CDKAL1: variants seen among roughly 807,000 people sequenced by gnomAD.
The protein encoded by CDKAL1 is threonylcarbamoyladenosine tRNA methylthiotransferase.
CDKAL1 carries 32 observed loss-of-function variants against 68.2 expected under a neutral mutation model. The ratio of observed to expected loss-of-function variants is 0.47; its 90% confidence interval spans 0.35 to 0.63. CDKAL1 has a LOEUF of 0.63. Among genes scored for constraint, CDKAL1 ranks in the 30% least tolerant of loss-of-function variants. The pLI, the probability that CDKAL1 is intolerant of heterozygous loss-of-function variation, is 0.00. For synonymous variants in CDKAL1, 234 were observed against 244.3 expected (o/e 0.96, Z 0.39); for missense variants, 606 against 696.7 (o/e 0.87, Z 1.47).
chr6:21,193,880 A>C (rs962748327), intron 13 of CDKAL1, among the ~76,000 whole-genome samples: 3 of 152,164 alleles, frequency 2.0e-5, no homozygotes, highest in African/African-American at 7.2e-5. Context: ...GTCTTAGTTC[A>C]TTTTCTGTTG....
chr6:21,009,349 A>C (rs1199581044), intron 11 of CDKAL1, among the ~76,000 whole-genome samples: 1 of 152,228 alleles, frequency 6.6e-6, no homozygotes, highest in Non-Finnish European at 1.5e-5. Context: ...TATATTATAC[A>C]TGCCATCTCC....
At chr6:20,571,286 CCT>C (rs1764690308) in intron 4 of CDKAL1, among the ~76,000 whole-genome samples, 1 of 152,204 alleles carries the variant, frequency 6.6e-6, no homozygotes, top group Admixed American at 6.5e-5. Context: ...AAGTTGAACT[CCT>C]CTGTTCCCTG....
intron 13 of CDKAL1, among the ~76,000 whole-genome samples, chr6:21,145,367 A>G (rs780812174): frequency 2.8e-4 from 42 of 152,138 alleles, no homozygotes; most frequent in Non-Finnish European, 5.1e-4. Context: ...AAAGCTTTGT[A>G]ACAGTATTAT....
At chr6:20,766,926 C>A (rs1421351426) in intron 7 of CDKAL1, among the ~76,000 whole-genome samples, 4 of 152,044 alleles carry the variant, frequency 2.6e-5, no homozygotes, top group African/African-American at 4.8e-5. Flanking sequence ...CCAAGTAGAT[C>A]AATTAATCAT....
intron 9 of CDKAL1, among the ~76,000 whole-genome samples, chr6:20,869,811 A>G (rs577078217): frequency 7.2e-5 from 11 of 152,322 alleles, no homozygotes; most frequent in South Asian, 4.1e-4. Flanking sequence ...CATAGTATAT[A>G]TTCATATAAC....
chr6:20,535,154 C>T (rs1581686725), intron 1 of CDKAL1, 197 bp from the exon 2 acceptor site: 2 of 152,238 alleles, frequency 1.3e-5, no homozygotes, highest in African/African-American at 4.8e-5. Flanking sequence ...TAAAGCCAGA[C>T]ACTGGATCAC....
chr6:20,892,894 A>G (rs1011687230), intron 9 of CDKAL1, among the ~76,000 whole-genome samples: 1 of 152,232 alleles, frequency 6.6e-6, no homozygotes, highest in African/African-American at 2.4e-5. Flanking sequence ...AGGCAAAGTC[A>G]AGTGGATGAA....
intron 8 of CDKAL1, among the ~76,000 whole-genome samples, chr6:20,840,032 TAAGAG>T (rs1457691348): frequency 5.3e-5 from 8 of 152,222 alleles, no homozygotes; most frequent in Non-Finnish European, 4.4e-5. Flanking sequence ...CAGTGTTTCT[TAAGAG>T]AAGTACAGAG....
intron 13 of CDKAL1, chr6:21,135,565 A>G (rs1351604328): frequency 2.5e-6 from 1 of 407,790 alleles, no homozygotes; most frequent in East Asian, 1.6e-4. Flanking sequence ...GGAGAGGTTA[A>G]AAACTACTTT....
intron 15 of CDKAL1, among the ~76,000 whole-genome samples, chr6:21,205,406 A>T (rs1778866346): frequency 6.6e-6 from 1 of 152,230 alleles, no homozygotes; most frequent in South Asian, 2.1e-4. Context: ...GTACCATTTT[A>T]CATTTCCACC....
At chr6:21,075,665 A>T (rs2150949893) in intron 12 of CDKAL1, among the ~76,000 whole-genome samples, 1 of 152,292 alleles carries the variant, frequency 6.6e-6, no homozygotes, top group South Asian at 2.1e-4. Flanking sequence ...GAAAGGTCAG[A>T]TTTGCAAGTT....
intron 8 of CDKAL1, among the ~76,000 whole-genome samples, chr6:20,805,770 T>C (rs78376217): frequency 6.6e-6 from 1 of 152,196 alleles, no homozygotes. Context: ...AGTTTCTGAT[T>C]GGCACATTTG....
At chr6:20,928,822 T>G (rs934622193) in intron 9 of CDKAL1, among the ~76,000 whole-genome samples, 4 of 151,868 alleles carry the variant, frequency 2.6e-5, no homozygotes, top group African/African-American at 9.7e-5. Context: ...CATGAGCCAC[T>G]GTGTCCAGTT....
chr6:20,866,726 T>C (rs1389555180), intron 9 of CDKAL1, among the ~76,000 whole-genome samples: 1 of 152,166 alleles, frequency 6.6e-6, no homozygotes, highest in Admixed American at 6.5e-5. Context: ...TTTTACGGGG[T>C]TCCTGACTAC....
At chr6:21,006,214 A>G (rs1767719095) in intron 11 of CDKAL1, among the ~76,000 whole-genome samples, 1 of 152,110 alleles carries the variant, frequency 6.6e-6, no homozygotes, top group Admixed American at 6.6e-5. Flanking sequence ...TTAAATTAGT[A>G]TTTTATTCTG....
intron 4 of CDKAL1, among the ~76,000 whole-genome samples, chr6:20,580,255 A>G (rs1003827231): frequency 6.6e-6 from 1 of 152,206 alleles, no homozygotes; most frequent in African/African-American, 2.4e-5. Context: ...CAGAAAGTCC[A>G]TGACATTCAG....
At chr6:20,792,524 A>G (rs978298759) in intron 8 of CDKAL1, among the ~76,000 whole-genome samples, 1 of 152,138 alleles carries the variant, frequency 6.6e-6, no homozygotes, top group African/African-American at 2.4e-5. Flanking sequence ...CGGAAAACAT[A>G]AACTTTCTGA....
intron 4 of CDKAL1, among the ~76,000 whole-genome samples, chr6:20,569,373 A>G (rs970691585): frequency 6.6e-6 from 1 of 152,104 alleles, no homozygotes; most frequent in African/African-American, 2.4e-5. Flanking sequence ...GGTTCTTTTA[A>G]TTTTCCTGTT....
chr6:20,822,253 T>G (rs1387095541), intron 8 of CDKAL1, among the ~76,000 whole-genome samples: 4 of 152,218 alleles, frequency 2.6e-5, no homozygotes, highest in African/African-American at 9.6e-5. Context: ...TGAAGTAATG[T>G]TGATGAAAGC....
Sources: gnomAD v4.1 joint callset for allele counts (sites outside exome capture counted in the v4.1 genomes callset) on GRCh38, gnomAD v4.1.1 for gene constraint, MANE v1.5 for transcripts, NCBI Gene and HGNC (gene_info 2026-07-23, HGNC 2026-07-21) for gene names.